FHIT: variants seen among roughly 807,000 people sequenced by gnomAD.
The protein encoded by FHIT is bis(5'-adenosyl)-triphosphatase.
In FHIT, 19 loss-of-function variants were observed where a neutral mutation model predicts 17.9. That is an observed-to-expected ratio of 1.06 (90% CI 0.74 to 1.56). The LOEUF (loss-of-function observed/expected upper bound fraction) is 1.56. Among genes scored for constraint, FHIT ranks in the 40% most tolerant of loss-of-function variants. The pLI, the probability that FHIT is intolerant of heterozygous loss-of-function variation, is 0.00. For missense variants in FHIT, 248 were observed against 189.2 expected, an observed-to-expected ratio of 1.31 and a Z score of -1.82; for synonymous variants, 81 against 69.7, an observed-to-expected ratio of 1.16 and a Z score of -0.81.
chr3:60,155,897 G>C (rs1005362290), intron 5 of FHIT, among the ~76,000 whole-genome samples: 26 of 152,082 alleles, frequency 1.7e-4, no homozygotes, highest in African/African-American at 6.3e-4. Context: ...TCAGTCCCCA[G>C]TGTTACTTAT....
At chr3:60,396,164 T>C (rs768063567) in intron 5 of FHIT, among the ~76,000 whole-genome samples, 1 of 152,130 alleles carries the variant, frequency 6.6e-6, no homozygotes, top group South Asian at 2.1e-4. Flanking sequence ...GGCCCTCTTG[T>C]TGATATTTGG....
At chr3:60,303,745 C>T (rs1708543864) in intron 5 of FHIT, among the ~76,000 whole-genome samples, 1 of 152,166 alleles carries the variant, frequency 6.6e-6, no homozygotes, top group African/African-American at 2.4e-5. Context: ...AGAACCTCCG[C>T]AGGCTTTGCA....
intron 4 of FHIT, among the ~76,000 whole-genome samples, chr3:60,798,752 CTTTTTTTTTTTT>C (rs35159710): frequency 9.5e-6 from 1 of 105,476 alleles, no homozygotes. Flanking sequence ...ACTGCAATAG[CTTTTTTTTTTTT>C]TTTTTTTTTT....
intron 5 of FHIT, among the ~76,000 whole-genome samples, chr3:60,058,956 G>A (rs1251690961): frequency 1.3e-5 from 2 of 152,170 alleles, no homozygotes; most frequent in Admixed American, 6.5e-5. Context: ...GTCAAATACA[G>A]GTTGATCTTC....
chr3:59,758,049 A>G (rs1701309499), intron 8 of FHIT, among the ~76,000 whole-genome samples: 1 of 152,220 alleles, frequency 6.6e-6, no homozygotes, highest in African/African-American at 2.4e-5. Context: ...TAACTACCGA[A>G]CTAGAAGTTC....
At chr3:60,620,797 C>T (rs191214528) in intron 4 of FHIT, among the ~76,000 whole-genome samples, 1 of 152,146 alleles carries the variant, frequency 6.6e-6, no homozygotes, top group East Asian at 1.9e-4. Flanking sequence ...ACATAACCTA[C>T]AGACTTGGTT....
intron 4 of FHIT, among the ~76,000 whole-genome samples, chr3:60,694,470 T>C (rs1168680224): frequency 6.6e-6 from 1 of 152,202 alleles, no homozygotes; most frequent in Non-Finnish European, 1.5e-5. Context: ...TTGGTGGGAC[T>C]GTAAACTACT....
chr3:60,445,783 T>A (rs9846621), intron 5 of FHIT, among the ~76,000 whole-genome samples: 3 of 138,364 alleles, frequency 2.2e-5, no homozygotes, highest in African/African-American at 6.0e-5. Flanking sequence ...TAGCAAACTT[T>A]AAAGCAAAAA....
At chr3:59,798,336 C>T (rs921969880) in intron 8 of FHIT, among the ~76,000 whole-genome samples, 3 of 152,124 alleles carry the variant, frequency 2.0e-5, no homozygotes, top group African/African-American at 2.4e-5. Context: ...TAGTGCTATA[C>T]GATTTAGGTA....
chr3:60,798,752 C>CTTT (rs35159710), intron 4 of FHIT, among the ~76,000 whole-genome samples: 94 of 105,456 alleles, frequency 8.9e-4, no homozygotes, highest in Middle Eastern at 6.0e-3. Context: ...ACTGCAATAG[C>CTTT]TTTTTTTTTT....
At chr3:60,532,045 T>C (rs1426398065) in intron 5 of FHIT, among the ~76,000 whole-genome samples, 1 of 152,222 alleles carries the variant, frequency 6.6e-6, no homozygotes, top group Non-Finnish European at 1.5e-5. Context: ...CATCCTAATG[T>C]TGTATGGCCC....
rs550930504 is a variant in FHIT at position 60,147,589 on chromosome 3, A to C, written c.104-133437T>G. On this transcript the variant is annotated intron_variant, in intron 5 of 9. Coordinates refer to ENST00000492590, the MANE Select transcript of FHIT (RefSeq NM_002012.4). Reference sequence around the variant, plus strand: ...CATAGGTCTTTCACTGCTTGGTCACAGAATTTCTTTGAATCCTATTTGTTT... The same window carrying C: ...CATAGGTCTTTCACTGCTTGGTCACCGAATTTCTTTGAATCCTATTTGTTT... Among the ~76,000 whole-genome samples, 5 of 152,312 alleles carry C rather than the reference A, an allele frequency of 3.3e-5. No homozygotes were observed. The South Asian group carries it at 1.0e-3, about 32-fold the overall frequency.
intron 5 of FHIT, among the ~76,000 whole-genome samples, chr3:60,515,985 C>G (rs548551734): frequency 6.6e-6 from 1 of 152,244 alleles, no homozygotes; most frequent in South Asian, 2.1e-4. Context: ...ATAAGGCTCA[C>G]ATTTTTAAGT....
At chr3:61,092,663 A>G (rs970220658) in intron 2 of FHIT, among the ~76,000 whole-genome samples, 2 of 152,126 alleles carry the variant, frequency 1.3e-5, no homozygotes, top group African/African-American at 4.8e-5. Flanking sequence ...AGTTATCTGA[A>G]GATGATTTAG....
At chr3:60,618,936 A>C (rs1244468799) in intron 4 of FHIT, among the ~76,000 whole-genome samples, 4 of 152,070 alleles carry the variant, frequency 2.6e-5, no homozygotes, top group Non-Finnish European at 4.4e-5. Flanking sequence ...AATGAAACAG[A>C]ATCTCCCCTA....
intron 3 of FHIT, among the ~76,000 whole-genome samples, chr3:60,841,565 A>T (rs1222498256): frequency 8.5e-5 from 13 of 152,240 alleles, no homozygotes; most frequent in African/African-American, 2.7e-4. Context: ...AAAAGTGAAG[A>T]CACTGGACAA....
chr3:60,956,165 A>C (rs997258513), intron 3 of FHIT, among the ~76,000 whole-genome samples: 3 of 152,204 alleles, frequency 2.0e-5, no homozygotes, highest in African/African-American at 4.8e-5. Flanking sequence ...TGTAAACCTA[A>C]AGTTACATTT....
chr3:60,537,602 C>T (rs529451897), intron 4 of FHIT: 5 of 210,006 alleles, frequency 2.4e-5, no homozygotes, highest in Non-Finnish European at 4.1e-5. Context: ...TGTAACAGGG[C>T]CACAAAGCAG....
chr3:61,054,056 A>G (rs887906182), intron 2 of FHIT, among the ~76,000 whole-genome samples: 1 of 152,226 alleles, frequency 6.6e-6, no homozygotes, highest in African/African-American at 2.4e-5. Context: ...CAGCCCAGCT[A>G]GTCCCTGATG....
Sources: allele counts gnomAD v4.1 joint callset (sites outside exome capture counted in the v4.1 genomes callset), GRCh38; gene constraint gnomAD v4.1.1; transcripts MANE v1.5; gene names NCBI Gene and HGNC (gene_info 2026-07-23, HGNC 2026-07-21).